EFHD1: variants seen among roughly 807,000 people sequenced by gnomAD.
EFHD1 encodes EF-hand domain family member D1.
A neutral mutation model predicts 17.2 loss-of-function variants in EFHD1; 10 were observed. That is an observed-to-expected ratio of 0.58 (90% CI 0.36 to 0.99). The LOEUF (loss-of-function observed/expected upper bound fraction) is 0.99, where lower values mean the gene tolerates loss of function less well. Among genes scored for constraint, EFHD1 ranks in the 50% least tolerant of loss-of-function variants. The pLI is 0.01. For missense variants in EFHD1, 310 were observed against 327.5 expected (o/e 0.95, Z 0.41); for synonymous variants, 153 against 142.0 (o/e 1.08, Z -0.55).
chr2:232,655,012 T>G (rs1176969515), intron 1 of EFHD1, among the ~76,000 whole-genome samples: 1 of 152,206 alleles, frequency 6.6e-6, no homozygotes, highest in Non-Finnish European at 1.5e-5. Flanking sequence ...TTCACTCTCC[T>G]TCCTTTCTGC....
chr2:232,645,067 C>A (rs1337874668), intron 1 of EFHD1, among the ~76,000 whole-genome samples: 3 of 151,742 alleles, frequency 2.0e-5, no homozygotes, highest in Non-Finnish European at 4.4e-5. Flanking sequence ...AGGTGTGAGC[C>A]ACCATGCTGG....
chr2:232,619,322 T>G (rs1337235682), intron 1 of EFHD1, among the ~76,000 whole-genome samples: 1 of 142,424 alleles, frequency 7.0e-6, no homozygotes, highest in African/African-American at 2.6e-5. Flanking sequence ...CTTTTTTTTT[T>G]TTTTTGAGAT....
intron 1 of EFHD1, among the ~76,000 whole-genome samples, chr2:232,659,631 T>G (rs917707556): frequency 6.6e-6 from 1 of 152,192 alleles, no homozygotes; most frequent in Non-Finnish European, 1.5e-5. Context: ...AGGTAGTGGT[T>G]GTTCTCAATA....
intron 1 of EFHD1, among the ~76,000 whole-genome samples, chr2:232,615,868 G>T (rs1451739680): frequency 6.6e-6 from 1 of 151,918 alleles, no homozygotes; most frequent in Non-Finnish European, 1.5e-5. Flanking sequence ...TGTATTTTTA[G>T]TAGAGATGGG....
chr2:232,671,907 A>AT (rs1313659380), intron 2 of EFHD1, among the ~76,000 whole-genome samples: 1 of 151,600 alleles, frequency 6.6e-6, no homozygotes, highest in Non-Finnish European at 1.5e-5. Context: ...AAATATAAAA[A>AT]TTAGCCGCGC....
Position 232,633,921 on chromosome 2 carries a change from C to G in EFHD1, c.217C>G (p.Arg73Gly). ...LDINEGAARPRRCRVFNPYTE... is the reference protein window; with the variant it reads ...LDINEGAARPGRCRVFNPYTE... ...CATCAACGAGGGCGCTGCGCGGCCC[C>G]GGCGCTGCAGGGTCTTCAACCCCTA... Residue 73 changes from arginine (R) to glycine (G), a missense_variant, in exon 1 of 4, where the codon CGG (arginine) becomes GGG (glycine). Transcript: ENST00000264059. 1 of 1,587,992 alleles carries G rather than the reference C, an allele frequency of 6.3e-7. No homozygotes were observed. The highest frequency in any genetic ancestry group is 8.5e-7 in the Non-Finnish European group (1 of 1,175,566).
chr2:232,607,321 C>T (rs1017831493), intron 1 of EFHD1, among the ~76,000 whole-genome samples: 1 of 151,670 alleles, frequency 6.6e-6, no homozygotes, highest in Non-Finnish European at 1.5e-5. Flanking sequence ...CGCGGTGGCT[C>T]AGGCCTGTAA....
intron 1 of EFHD1, among the ~76,000 whole-genome samples, chr2:232,624,825 C>T (rs889640619): frequency 6.6e-6 from 1 of 152,144 alleles, no homozygotes; most frequent in Admixed American, 6.6e-5. Context: ...AGGAGCTCCA[C>T]GCTTACAGCC....
chr2:232,681,713 T>C lies in EFHD1; in HGVS notation c.714T>C (p.Asn238=). ...AAFQKLKANF[N]T ...TCCAGAAACTCAAGGCCAACTTCAA[T>C]ACATAGTCCTGCTGACCTTGCCCTC... The change falls in exon 4 of 4, where the codon AAT becomes AAC. Residue 238 remains asparagine, a synonymous_variant. Transcript: ENST00000264059. 5 of 1,614,008 alleles carry C rather than the reference T, an allele frequency of 3.1e-6. No individual in the cohort carries two copies. The South Asian group carries it at 3.3e-5, about 11-fold the overall frequency.
chr2:232,606,132 T>C lies in EFHD1; in HGVS notation c.-28T>C, dbSNP rs772077300. ...TACTGTCCCTGTGAAGGCCAAGATC[T>C]GTAACGCTGACAGTCCCCAGACATA... On this transcript the variant is annotated 5_prime_UTR_variant, in exon 1 of 4. Transcript: ENST00000409613. 6 of 1,550,130 alleles carry C rather than the reference T, an allele frequency of 3.9e-6. No individual in the cohort carries two copies. In the South Asian group the frequency reaches 7.1e-5, roughly 18 times the overall value.
chr2:232,633,941 C>G lies in EFHD1; in HGVS notation c.237C>G (p.Asn79Lys). Residue 79 changes from asparagine to lysine, a missense_variant, in exon 1 of 4, where the codon AAC (asparagine) becomes AAG (lysine). Coordinates refer to ENST00000264059, the MANE Select transcript of EFHD1 (RefSeq NM_025202.4). ...AARPRRCRVFNPYTEFPEFSR... is the reference protein window; with the variant it reads ...AARPRRCRVFKPYTEFPEFSR... ...GGCCCCGGCGCTGCAGGGTCTTCAA[C>G]CCCTACACGGAGTTCCCGGAGTTCA... 6.3e-7 allele frequency: 1 copy of G among 1,597,422 alleles called. No homozygotes were observed. Among genetic ancestry groups the G allele is most frequent in the Non-Finnish European group, 8.5e-7 (1 of 1,179,246 alleles).
chr2:232,664,606 G>GTTTTTTTTTT, intron 2 of EFHD1, among the ~76,000 whole-genome samples: 1 of 62,676 alleles, frequency 1.6e-5, no homozygotes, highest in Non-Finnish European at 2.8e-5. Flanking sequence ...CCCCAAAATA[G>GTTTTTTTTTT]TTTTTTTTTT....
intron 1 of EFHD1, chr2:232,611,959 GTT>G (rs1037537235): frequency 6.6e-6 from 1 of 152,234 alleles, no homozygotes; most frequent in Non-Finnish European, 1.5e-5. Context: ...CCTTTTGGGT[GTT>G]TTTCCTGTCT....
At chr2:232,666,072 T>G (rs1440636225) in intron 2 of EFHD1, among the ~76,000 whole-genome samples, 1 of 152,244 alleles carries the variant, frequency 6.6e-6, no homozygotes, top group Non-Finnish European at 1.5e-5. Flanking sequence ...GCAGCAGAAC[T>G]GGCAGCCACA....
rs145581081 is a variant in EFHD1 at position 232,615,334 on chromosome 2, T to TGTGA, written c.14+9164_14+9165insAGTG. 2.1e-3 allele frequency among the ~76,000 whole-genome samples: 320 copies of TGTGA among 149,456 alleles called. 1 individual carries two copies. Among genetic ancestry groups the TGTGA allele is most frequent in the Middle Eastern group, 6.8e-3 (2 of 292 alleles). ...TATAGTGTGTGTGTGTGTGTGTGTGTGTGTGTGTGTGTGTGTGTATTTACA... is the reference window on the plus strand; with the variant it reads ...TATAGTGTGTGTGTGTGTGTGTGTGTGTGAGTGTGTGTGTGTGTGTGTATTTACA... On this transcript the variant is annotated intron_variant, in intron 1 of 3. Coordinates refer to the EFHD1 transcript ENST00000409613.
intron 1 of EFHD1, chr2:232,638,496 G>A (rs985602121): frequency 6.4e-6 from 3 of 470,426 alleles, no homozygotes; most frequent in African/African-American, 2.0e-5. Flanking sequence ...TGAGGCTGTC[G>A]TGGAATTCTT....
At chr2:232,676,861 G>C (rs1217950300) in intron 3 of EFHD1, among the ~76,000 whole-genome samples, 1 of 152,044 alleles carries the variant, frequency 6.6e-6, no homozygotes, top group Non-Finnish European at 1.5e-5. Flanking sequence ...AAGAGATTAG[G>C]CTGGGTGCAG....
intron 1 of EFHD1, among the ~76,000 whole-genome samples, chr2:232,615,423 C>G (rs1243310566): frequency 6.6e-6 from 1 of 151,724 alleles, no homozygotes; most frequent in Non-Finnish European, 1.5e-5. Flanking sequence ...ATAATTCTCC[C>G]TCTTATTTCG....
At chr2:232,658,355 G>A (rs59616392) in intron 1 of EFHD1, among the ~76,000 whole-genome samples, 7,676 of 151,020 alleles carry the variant, frequency 0.051, 655 homozygotes, top group African/African-American at 0.18. Flanking sequence ...CAGCCAGTCC[G>A]CCTAATTGTA....
Sources: allele counts gnomAD v4.1 joint callset (sites outside exome capture counted in the v4.1 genomes callset), GRCh38; gene constraint gnomAD v4.1.1; transcripts MANE v1.5; gene names NCBI Gene and HGNC (gene_info 2026-07-23, HGNC 2026-07-21).